Variants in VOPP1 observed in about 807,000 individuals in gnomAD.
The protein encoded by VOPP1 is WW domain binding protein VOPP1.
VOPP1 carries 8 observed loss-of-function variants against 23.5 expected under a neutral mutation model. The ratio of observed to expected loss-of-function variants is 0.34; its 90% CI spans 0.20 to 0.61. The LOEUF (loss-of-function observed/expected upper bound fraction) is 0.61, where lower values mean the gene tolerates loss of function less well. VOPP1 is among the 20% of genes least tolerant of loss of function. The probability of loss-of-function intolerance (pLI) is 0.78; values close to 1 mark genes in which losing one functional copy is unlikely to be tolerated. For missense variants in VOPP1, 174 were observed against 238.1 expected, an observed-to-expected ratio of 0.73 and a Z score of 1.77; for synonymous variants, 83 against 97.3, an observed-to-expected ratio of 0.85 and a Z score of 0.86.
rs537594496 is a variant in VOPP1 at position 55,505,032 on chromosome 7, C to T, written c.114-7342G>A. 8.5e-5 allele frequency among the ~76,000 whole-genome samples: 13 copies of T among 152,346 alleles called. No individual in the cohort carries two copies. In the South Asian group the frequency reaches 2.7e-3, roughly 32 times the overall value. On this transcript the variant is annotated intron_variant, in intron 2 of 4. Coordinates refer to ENST00000285279, the MANE Select transcript of VOPP1 (RefSeq NM_030796.5). ...TATCCATAAAAAGGGTAAACTTATG[C>T]AATCTGGCCCATTACTTTTATCCTG...
At chr7:55,530,162 G>C (rs930941984) in intron 1 of VOPP1, among the ~76,000 whole-genome samples, 3 of 152,068 alleles carry the variant, frequency 2.0e-5, no homozygotes, top group African/African-American at 4.8e-5. Flanking sequence ...CTTGTTGAGA[G>C]ACTGTCAAAC....
chr7:55,518,821 T>C (rs1036530615), intron 2 of VOPP1, among the ~76,000 whole-genome samples: 2 of 152,176 alleles, frequency 1.3e-5, no homozygotes, highest in African/African-American at 4.8e-5. Context: ...TTGTTCCTGA[T>C]GGTTTTAAGC....
rs147815578 is a variant in VOPP1 at position 55,491,777 on chromosome 7, T to G, written c.328+505A>C. ...TGTACAAGAATGTCTATTGCTATGG[T>G]CTTTGTAAGTATTTGGAATACTAGT... On this transcript the variant is annotated intron_variant, in intron 4 of 4. Coordinates refer to ENST00000285279, the MANE Select transcript of VOPP1 (RefSeq NM_030796.5). Among the ~76,000 whole-genome samples, 264 of 152,336 alleles carry G rather than the reference T, an allele frequency of 1.7e-3. 1 individual carries two copies. Among genetic ancestry groups the G allele is most frequent in the Non-Finnish European group, 3.0e-3 (205 of 68,032 alleles).
intron 2 of VOPP1, among the ~76,000 whole-genome samples, chr7:55,518,064 G>A (rs1237910927): frequency 6.6e-6 from 1 of 152,250 alleles, no homozygotes; most frequent in Non-Finnish European, 1.5e-5. Flanking sequence ...ATGAGCATAT[G>A]TAACAGAGAG....
intron 2 of VOPP1, among the ~76,000 whole-genome samples, chr7:55,510,766 T>A (rs1795023110): frequency 6.6e-6 from 1 of 152,026 alleles, no homozygotes; most frequent in African/African-American, 2.4e-5. Flanking sequence ...TCTCATCTCC[T>A]GCCATCCACC....
chr7:55,436,649 G>GGT (rs386410225), intron 4 of VOPP1, among the ~76,000 whole-genome samples: 1 of 146,792 alleles, frequency 6.8e-6, no homozygotes, highest in Non-Finnish European at 1.5e-5. Flanking sequence ...TGCGTGCGTG[G>GGT]GTGTGTGTGC....
At chr7:55,514,752 C>T (rs1795295127) in intron 2 of VOPP1, among the ~76,000 whole-genome samples, 1 of 152,194 alleles carries the variant, frequency 6.6e-6, no homozygotes, top group African/African-American at 2.4e-5. Context: ...CCGCAGAGTG[C>T]TTAGGCAAGC....
At chr7:55,557,821 G>C (rs1251223045) in intron 1 of VOPP1, among the ~76,000 whole-genome samples, 2 of 152,254 alleles carry the variant, frequency 1.3e-5, no homozygotes, top group Non-Finnish European at 2.9e-5. Context: ...GAGCAAATGA[G>C]AGGGTGTGTA....
chr7:55,486,613 G>A (rs1486147593), intron 4 of VOPP1, among the ~76,000 whole-genome samples: 1 of 152,180 alleles, frequency 6.6e-6, no homozygotes, highest in Non-Finnish European at 1.5e-5. Context: ...GCGTCACCAA[G>A]TAAGACAGTT....
intron 4 of VOPP1, 111 bp from the exon 5 acceptor site, chr7:55,473,156 G>C: frequency 6.9e-7 from 1 of 1,452,314 alleles, no homozygotes; most frequent in East Asian, 2.8e-5. Context: ...CTCAGCGACA[G>C]TGTATGAAGG....
chr7:55,443,645 T>A (rs13229541), intron 4 of VOPP1, among the ~76,000 whole-genome samples: 2 of 37,340 alleles, frequency 5.4e-5, no homozygotes, highest in Non-Finnish European at 1.4e-4. Context: ...TTATTGTCCC[T>A]TTTTTTTTTT....
At chr7:55,510,141 C>T (rs1794980886) in intron 2 of VOPP1, among the ~76,000 whole-genome samples, 1 of 152,180 alleles carries the variant, frequency 6.6e-6, no homozygotes, top group African/African-American at 2.4e-5. Flanking sequence ...GCCAGACCAA[C>T]TCAAAATTAC....
intron 1 of VOPP1, among the ~76,000 whole-genome samples, chr7:55,547,302 G>A (rs1797408464): frequency 6.6e-6 from 1 of 152,176 alleles, no homozygotes; most frequent in Non-Finnish European, 1.5e-5. Flanking sequence ...TCCCCCTGGG[G>A]CTACATGCAT....
chr7:55,563,888 G>C (rs1429663343), intron 1 of VOPP1, among the ~76,000 whole-genome samples: 1 of 152,114 alleles, frequency 6.6e-6, no homozygotes, highest in Non-Finnish European at 1.5e-5. Flanking sequence ...TTCCCTAAAA[G>C]AGTATAAGAG....
At chr7:55,439,250 G>A (rs892152965) in intron 4 of VOPP1, among the ~76,000 whole-genome samples, 6 of 152,034 alleles carry the variant, frequency 3.9e-5, no homozygotes, top group South Asian at 2.1e-4. Context: ...AAGAGGAGAA[G>A]GCGCAGTCAC....
chr7:55,477,496 G>A (rs537086296), intron 4 of VOPP1, among the ~76,000 whole-genome samples: 79 of 152,314 alleles, frequency 5.2e-4, no homozygotes, highest in Admixed American at 2.5e-3. Flanking sequence ...TGCCAAGGCC[G>A]TGGCTCCTGT....
At chr7:55,475,799 A>G (rs1792195901) in intron 4 of VOPP1, among the ~76,000 whole-genome samples, 1 of 152,226 alleles carries the variant, frequency 6.6e-6, no homozygotes, top group Admixed American at 6.5e-5. Flanking sequence ...GAGTAAAACC[A>G]TGGCTGCCCC....
chr7:55,450,961 G>A (rs752527249), intron 4 of VOPP1, among the ~76,000 whole-genome samples: 3 of 152,226 alleles, frequency 2.0e-5, no homozygotes, highest in African/African-American at 7.2e-5. Context: ...ACCAAGCCAC[G>A]TTGCTCCTCC....
At chr7:55,529,203 A>G (rs7805300) in intron 1 of VOPP1, among the ~76,000 whole-genome samples, 2 of 151,734 alleles carry the variant, frequency 1.3e-5, no homozygotes, top group African/African-American at 4.9e-5. Context: ...CACAGTGAAA[A>G]CCCACCTCTA....
Sources: gnomAD v4.1 joint callset for allele counts (sites outside exome capture counted in the v4.1 genomes callset) on GRCh38, gnomAD v4.1.1 for gene constraint, MANE v1.5 for transcripts, NCBI Gene and HGNC (gene_info 2026-07-23, HGNC 2026-07-21) for gene names.